Variants in SORCS1 observed in about 807,000 individuals in gnomAD.
The protein encoded by SORCS1 is sortilin related VPS10 domain containing receptor 1, also known as VPS10 domain-containing receptor SorCS1.
SORCS1 carries 60 observed loss-of-function variants against 146.1 expected under a neutral mutation model. The observed-to-expected ratio is 0.41, with a 90% CI of 0.33 to 0.51. The LOEUF (loss-of-function observed/expected upper bound fraction) is 0.51, where lower values mean the gene tolerates loss of function less well. Among genes scored for constraint, SORCS1 ranks in the 20% least tolerant of loss-of-function variants. The pLI, the probability that SORCS1 is intolerant of heterozygous loss-of-function variation, is 0.21. For missense variants in SORCS1, 1,352 were observed against 1,487.6 expected (o/e 0.91, Z 1.50); for synonymous variants, 637 against 584.0 (o/e 1.09, Z -1.31).
At chr10:106,791,871 A>G (rs1946336854) in intron 3 of SORCS1, among the ~76,000 whole-genome samples, 2 of 152,184 alleles carry the variant, frequency 1.3e-5, no homozygotes, top group African/African-American at 4.8e-5. Flanking sequence ...TTTTATGTCA[A>G]TATATACCAC....
At chr10:106,936,789 G>C (rs1203589330) in intron 2 of SORCS1, among the ~76,000 whole-genome samples, 2 of 152,152 alleles carry the variant, frequency 1.3e-5, no homozygotes, top group Non-Finnish European at 2.9e-5. Context: ...TATAATGCAA[G>C]GTTCAACTCT....
chr10:106,983,109 TA>T (rs1554903776), intron 1 of SORCS1, among the ~76,000 whole-genome samples: 1 of 72,412 alleles, frequency 1.4e-5, no homozygotes, highest in African/African-American at 5.2e-5. Context: ...CAGAGGAGGT[TA>T]TATATATATA....
chr10:106,827,160 T>C (rs1003812246), intron 3 of SORCS1, among the ~76,000 whole-genome samples: 7 of 152,170 alleles, frequency 4.6e-5, no homozygotes, highest in African/African-American at 1.7e-4. Flanking sequence ...TCACCATATA[T>C]TCTGCAGCTA....
At chr10:106,794,336 G>C (rs527559570) in intron 3 of SORCS1, among the ~76,000 whole-genome samples, 1 of 151,924 alleles carries the variant, frequency 6.6e-6, no homozygotes, top group Non-Finnish European at 1.5e-5. Context: ...TTGATGTAAG[G>C]GGAAAAAAGC....
chr10:106,821,783 G>A (rs545446550), intron 3 of SORCS1, among the ~76,000 whole-genome samples: 10 of 152,122 alleles, frequency 6.6e-5, no homozygotes, highest in South Asian at 4.1e-4. Context: ...TTAGCCAGGC[G>A]TGTTGGTGGG....
chr10:106,965,781 G>A (rs906802909), intron 1 of SORCS1, among the ~76,000 whole-genome samples: 4 of 152,044 alleles, frequency 2.6e-5, no homozygotes, highest in Non-Finnish European at 4.4e-5. Flanking sequence ...AAATGCCCTC[G>A]CTTTCTGTTC....
At chr10:106,655,304 C>CA (rs1418292173) in intron 17 of SORCS1, among the ~76,000 whole-genome samples, 1 of 152,040 alleles carries the variant, frequency 6.6e-6, no homozygotes, top group Non-Finnish European at 1.5e-5. Context: ...GCAATAGTAG[C>CA]AAAAAAATGA....
chr10:106,814,069 C>T (rs539513146), intron 3 of SORCS1, among the ~76,000 whole-genome samples: 1 of 152,280 alleles, frequency 6.6e-6, no homozygotes, highest in South Asian at 2.1e-4. Flanking sequence ...TTTACTGAGT[C>T]CTTCCTAGAA....
intron 23 of SORCS1, among the ~76,000 whole-genome samples, chr10:106,602,512 A>AACAC (rs66699179): frequency 0.065 from 8,964 of 138,722 alleles, 390 homozygotes; most frequent in African/African-American, 0.13. Flanking sequence ...ATTCCTTCAT[A>AACAC]ACACACACAC....
intron 3 of SORCS1, among the ~76,000 whole-genome samples, chr10:106,826,685 C>T (rs1027546129): frequency 3.3e-5 from 5 of 152,186 alleles, no homozygotes; most frequent in Admixed American, 1.3e-4. Context: ...ATTGTTAAGA[C>T]GTTCATCGTC....
chr10:106,600,636 G>A (rs1234308565), intron 23 of SORCS1: 1 of 985,258 alleles, frequency 1.0e-6, no homozygotes, highest in East Asian at 1.1e-4. Flanking sequence ...CACTATTTTG[G>A]TAAAGTTGCT....
At chr10:106,974,283 A>C (rs1236451660) in intron 1 of SORCS1, among the ~76,000 whole-genome samples, 1 of 152,190 alleles carries the variant, frequency 6.6e-6, no homozygotes, top group Non-Finnish European at 1.5e-5. Context: ...TTATGATAGA[A>C]GTGTATGCAA....
intron 1 of SORCS1, among the ~76,000 whole-genome samples, chr10:107,014,950 T>C (rs1957838712): frequency 6.6e-6 from 1 of 152,154 alleles, no homozygotes; most frequent in Non-Finnish European, 1.5e-5. Flanking sequence ...GGATCACCCT[T>C]CCCTTGCAAC....
intron 2 of SORCS1, among the ~76,000 whole-genome samples, chr10:106,851,350 A>C (rs1250374086): frequency 6.6e-6 from 1 of 152,170 alleles, no homozygotes; most frequent in East Asian, 1.9e-4. Flanking sequence ...TCTATGATAC[A>C]TTTTGAGTTA....
At chr10:106,728,401 C>A (rs1856359294) in intron 6 of SORCS1, among the ~76,000 whole-genome samples, 1 of 152,162 alleles carries the variant, frequency 6.6e-6, no homozygotes, top group Non-Finnish European at 1.5e-5. Flanking sequence ...CAGAGCGAGC[C>A]CCCTGAGGAG....
At chr10:106,580,957 A>T (rs1277706887) in intron 24 of SORCS1, among the ~76,000 whole-genome samples, 2 of 152,258 alleles carry the variant, frequency 1.3e-5, no homozygotes, top group African/African-American at 4.8e-5. Flanking sequence ...ACTTCACCTC[A>T]GTTTTGAAAT....
chr10:106,643,320 T>C (rs1361601979), intron 18 of SORCS1, among the ~76,000 whole-genome samples: 4 of 152,246 alleles, frequency 2.6e-5, no homozygotes, highest in Non-Finnish European at 5.9e-5. Context: ...ATTATTATCA[T>C]TGTGTCAAGT....
Position 106,729,828 on chromosome 10 carries a change from T to C in SORCS1, c.1024+222A>G, listed in dbSNP as rs538828244. On this transcript the variant is annotated intron_variant, in intron 6 of 25. Transcript: ENST00000263054. ...CACACGATTATTGCCACTGTGCCAC[T>C]GTGCCTGCCTACCTATCCTTAGCTC... Among the ~76,000 whole-genome samples, 15 of 152,296 alleles carry C rather than the reference T, an allele frequency of 9.8e-5. No individual in the cohort carries two copies. In the South Asian group the frequency reaches 2.9e-3, roughly 29 times the overall value.
intron 1 of SORCS1, among the ~76,000 whole-genome samples, chr10:107,122,655 C>T (rs549966797): frequency 6.6e-6 from 1 of 152,058 alleles, no homozygotes; most frequent in South Asian, 2.1e-4. Context: ...CATGATGGCA[C>T]CTCTGTGTCA....
Sources: allele counts gnomAD v4.1 joint callset (sites outside exome capture counted in the v4.1 genomes callset), GRCh38; gene constraint gnomAD v4.1.1; transcripts MANE v1.5; gene names NCBI Gene and HGNC (gene_info 2026-07-23, HGNC 2026-07-21).